Variants in ASIC2 observed in about 807,000 individuals in gnomAD.
The protein encoded by ASIC2 is acid-sensing ion channel 2.
Under a neutral mutation model 57.3 loss-of-function variants are expected in ASIC2, and 25 were observed. The observed-to-expected ratio is 0.44, with a 90% CI of 0.32 to 0.61. ASIC2 has a LOEUF of 0.61. ASIC2 is among the 20% of genes least tolerant of loss of function. The pLI is 0.06. For synonymous variants in ASIC2, 319 were observed against 307.5 expected, an observed-to-expected ratio of 1.04 and a Z score of -0.39; for missense variants, 641 against 738.1, an observed-to-expected ratio of 0.87 and a Z score of 1.52.
chr17:33,753,970 G>A (rs552566569), intron 1 of ASIC2, among the ~76,000 whole-genome samples: 14 of 152,182 alleles, frequency 9.2e-5, no homozygotes, highest in East Asian at 3.9e-4. Flanking sequence ...TGCAGCTGCC[G>A]GAAGAGAGCG....
chr17:33,652,354 TTG>T (rs1906947011), intron 1 of ASIC2, among the ~76,000 whole-genome samples: 1 of 152,204 alleles, frequency 6.6e-6, no homozygotes, highest in Non-Finnish European at 1.5e-5. Context: ...TCTCAAGCTC[TTG>T]TGCAAGAGGC....
intron 1 of ASIC2, among the ~76,000 whole-genome samples, chr17:33,579,430 G>C (rs1161792877): frequency 1.3e-5 from 2 of 152,124 alleles, no homozygotes; most frequent in Non-Finnish European, 2.9e-5. Flanking sequence ...AGGAGATATA[G>C]ACTAGGGCTG....
At chr17:33,269,781 T>TCCTTCCTTCCTTCCTTC (rs1597659507) in intron 1 of ASIC2, among the ~76,000 whole-genome samples, 1 of 150,876 alleles carries the variant, frequency 6.6e-6, no homozygotes, top group African/African-American at 2.4e-5. Flanking sequence ...CTTCTTTCCT[T>TCCTTCCTTCCTTCCTTC]TTTCTAGTTT....
intron 1 of ASIC2, among the ~76,000 whole-genome samples, chr17:33,354,553 G>A (rs1257966846): frequency 6.6e-6 from 1 of 151,944 alleles, no homozygotes; most frequent in Non-Finnish European, 1.5e-5. Flanking sequence ...TACCCCCATG[G>A]CTTCCTGCTT....
chr17:33,135,770 G>C (rs2092364851), intron 1 of ASIC2, among the ~76,000 whole-genome samples: 1 of 152,210 alleles, frequency 6.6e-6, no homozygotes, highest in Non-Finnish European at 1.5e-5. Flanking sequence ...CCCTGCCTCT[G>C]CCTGTTGGAG....
At chr17:33,873,655 G>A (rs1217612252) in intron 1 of ASIC2, among the ~76,000 whole-genome samples, 2 of 152,088 alleles carry the variant, frequency 1.3e-5, no homozygotes, top group South Asian at 2.1e-4. Flanking sequence ...AGATTAAAAC[G>A]GGGTAATACC....
chr17:33,502,411 T>C (rs1261068570), intron 1 of ASIC2, among the ~76,000 whole-genome samples: 1 of 152,154 alleles, frequency 6.6e-6, no homozygotes, highest in Admixed American at 6.5e-5. Context: ...CAACTTCTCC[T>C]GGGTTACACC....
At chr17:33,329,609 G>A (rs1255695963) in intron 1 of ASIC2, among the ~76,000 whole-genome samples, 1 of 152,182 alleles carries the variant, frequency 6.6e-6, no homozygotes. Context: ...GTTATATGGT[G>A]GCATTGTGTA....
chr17:33,987,666 C>A (rs1905866933), intron 1 of ASIC2, among the ~76,000 whole-genome samples: 1 of 148,246 alleles, frequency 6.7e-6, no homozygotes, highest in Non-Finnish European at 1.5e-5. Context: ...ACCAACCAAC[C>A]AACCAACCAA....
chr17:33,347,999 G>A (rs1232292188), intron 1 of ASIC2, among the ~76,000 whole-genome samples: 1 of 152,220 alleles, frequency 6.6e-6, no homozygotes, highest in Non-Finnish European at 1.5e-5. Context: ...CTACTTGGGA[G>A]GCTGAGGTAG....
At chr17:33,661,084 G>A (rs1907246253) in intron 1 of ASIC2, among the ~76,000 whole-genome samples, 1 of 152,082 alleles carries the variant, frequency 6.6e-6, no homozygotes, top group Non-Finnish European at 1.5e-5. Flanking sequence ...CCGGGGAGAA[G>A]CCAAGCCGAC....
chr17:33,754,939 CAG>C (rs1223912315), intron 1 of ASIC2, among the ~76,000 whole-genome samples: 6 of 109,306 alleles, frequency 5.5e-5, no homozygotes, highest in African/African-American at 2.2e-4. Flanking sequence ...GCCTGGGCAA[CAG>C]AGCGAGACTC....
intron 1 of ASIC2, among the ~76,000 whole-genome samples, chr17:33,168,250 G>A (rs1905378398): frequency 1.3e-5 from 2 of 152,226 alleles, no homozygotes; most frequent in Admixed American, 1.3e-4. Flanking sequence ...ATTCTGGTAA[G>A]ACAGAAAATT....
intron 1 of ASIC2, among the ~76,000 whole-genome samples, chr17:33,357,720 G>T (rs943883671): frequency 6.6e-6 from 1 of 152,192 alleles, no homozygotes; most frequent in African/African-American, 2.4e-5. Context: ...AGAACCTGGA[G>T]CCCTGAGTAT....
chr17:33,725,881 C>A (rs1176926569), intron 1 of ASIC2, among the ~76,000 whole-genome samples: 1 of 152,170 alleles, frequency 6.6e-6, no homozygotes, highest in Non-Finnish European at 1.5e-5. Context: ...CAGAGCCACA[C>A]GAGGGCAGCA....
intron 1 of ASIC2, among the ~76,000 whole-genome samples, chr17:33,785,077 T>C (rs1911562957): frequency 6.6e-6 from 1 of 151,954 alleles, no homozygotes; most frequent in African/African-American, 2.4e-5. Flanking sequence ...TATTTGGAGA[T>C]AGGGTCTTTA....
intron 1 of ASIC2, among the ~76,000 whole-genome samples, chr17:33,818,978 C>T (rs1386976383): frequency 6.6e-6 from 1 of 152,218 alleles, no homozygotes; most frequent in Non-Finnish European, 1.5e-5. Context: ...TTGGGGTCTA[C>T]TGGGCTAAGC....
At chr17:34,045,973 C>A (rs1425451806) in intron 1 of ASIC2, among the ~76,000 whole-genome samples, 1 of 152,124 alleles carries the variant, frequency 6.6e-6, no homozygotes, top group East Asian at 1.9e-4. Flanking sequence ...CAGAAAACTC[C>A]CACTTTTGCC....
At chr17:33,333,733 A>T (rs1597687286) in intron 1 of ASIC2, among the ~76,000 whole-genome samples, 1 of 152,242 alleles carries the variant, frequency 6.6e-6, no homozygotes, top group African/African-American at 2.4e-5. Context: ...CCACTCTTGC[A>T]TGTGATTAGA....
Sources: allele counts gnomAD v4.1 joint callset (sites outside exome capture counted in the v4.1 genomes callset), GRCh38; gene constraint gnomAD v4.1.1; transcripts MANE v1.5; gene names NCBI Gene and HGNC (gene_info 2026-07-23, HGNC 2026-07-21).